STX3: variants seen among roughly 807,000 people sequenced by gnomAD.
STX3 encodes syntaxin 3, also known as syntaxin-3.
A neutral mutation model predicts 40.2 loss-of-function variants in STX3; 19 were observed. The ratio of observed to expected loss-of-function variants is 0.47; its 90% CI spans 0.33 to 0.69. The LOEUF is 0.69. Among genes scored for constraint, STX3 ranks in the 30% least tolerant of loss-of-function variants. The pLI, the probability that STX3 is intolerant of heterozygous loss-of-function variation, is 0.02. For missense variants in STX3, 364 were observed against 366.7 expected (o/e 0.99, Z 0.06); for synonymous variants, 122 against 132.2 (o/e 0.92, Z 0.53).
At chr11:59,783,206 C>G (rs1322911645) in intron 2 of STX3, among the ~76,000 whole-genome samples, 1 of 152,184 alleles carries the variant, frequency 6.6e-6, no homozygotes, top group East Asian at 1.9e-4. Flanking sequence ...TGAAAGGCAA[C>G]TGATCCATTC....
At chr11:59,767,827 C>G (rs990048448) in intron 1 of STX3, among the ~76,000 whole-genome samples, 6 of 152,158 alleles carry the variant, frequency 3.9e-5, no homozygotes, top group Admixed American at 3.3e-4. Context: ...GACCTCCTCT[C>G]TGGACAGAAA....
chr11:59,796,121 C>T (rs1365616539), intron 9 of STX3, among the ~76,000 whole-genome samples: 1 of 152,226 alleles, frequency 6.6e-6, no homozygotes, highest in African/African-American at 2.4e-5. Context: ...GTACCTAGCT[C>T]ATGCTAACTG....
At position 59,802,364 on chromosome 11, in the gene STX3, T is replaced by G. The variant is rs1865918218; in HGVS notation, c.*1540T>G. 2 of 985,576 alleles carry G rather than the reference T, an allele frequency of 2.0e-6. No homozygotes were observed. The highest frequency in any genetic ancestry group is 9.4e-5 in the South Asian group (2 of 21,292). 61.1% of individuals were successfully genotyped at this position (985,576 alleles called of 1,614,324 possible). A position where few individuals can be genotyped will look rare whatever the true frequency, so the allele number is the denominator to read the frequency against. ...TTGGGTACCATGTATATTTTCCGCT[T>G]TGACTTTAACGCTTTCTAGGATAGG... On this transcript the variant is annotated 3_prime_UTR_variant, in exon 11 of 11. Coordinates refer to ENST00000337979, the MANE Select transcript of STX3 (RefSeq NM_004177.5).
chr11:59,758,100 C>T (rs958639469), intron 1 of STX3, among the ~76,000 whole-genome samples: 3 of 151,990 alleles, frequency 2.0e-5, no homozygotes. Context: ...GAGGGCTTTC[C>T]GTGCCTGTGA....
At chr11:59,755,693 T>C in intron 1 of STX3, 58 bp downstream of exon 1, 1 of 1,510,616 alleles carries the variant, frequency 6.6e-7, no homozygotes, top group Non-Finnish European at 8.8e-7. Context: ...GAGAGGGGCT[T>C]CCCTTTGCTC....
intron 8 of STX3, 99 bp downstream of exon 8, chr11:59,793,613 G>A: frequency 1.4e-6 from 2 of 1,471,760 alleles, no homozygotes; most frequent in Non-Finnish European, 9.1e-7. Context: ...AGTGAGGTAG[G>A]GTGGGAGAAC....
intron 1 of STX3, among the ~76,000 whole-genome samples, chr11:59,769,244 T>C (rs780074854): frequency 1.3e-5 from 2 of 151,814 alleles, no homozygotes; most frequent in Non-Finnish European, 2.9e-5. Flanking sequence ...GACTTAGCCT[T>C]TAGTTTGAGA....
At chr11:59,755,356 C>G, upstream of STX3, 3 of 319,126 alleles carry the variant, frequency 9.4e-6, no homozygotes, top group Non-Finnish European at 1.1e-5. Flanking sequence ...CAGCGCTGCG[C>G]CGGCGCCGGC....
rs115883615 is a variant in STX3 at position 59,766,247 on chromosome 11, G to T, written c.31-6964G>T. 7.5e-3 allele frequency among the ~76,000 whole-genome samples: 1,148 copies of T among 152,260 alleles called. 15 individuals carry two copies. The highest frequency in any genetic ancestry group is 0.027 in the African/African-American group (1,106 of 41,518). ...TCATTCTGCCTTGCTGCTCTGATTTGTAAACATTCTTAAGGAGATACTGAT... is the reference window on the plus strand; with the variant it reads ...TCATTCTGCCTTGCTGCTCTGATTTTTAAACATTCTTAAGGAGATACTGAT... On this transcript the variant is annotated intron_variant, in intron 1 of 10. Transcript: ENST00000337979.
At chr11:59,777,658 A>AGGTC (rs1310775259) in intron 2 of STX3, among the ~76,000 whole-genome samples, 2 of 152,206 alleles carry the variant, frequency 1.3e-5, no homozygotes, top group African/African-American at 4.8e-5. Flanking sequence ...TGCCGTTTAA[A>AGGTC]GGTCAGCTTG....
chr11:59,761,622 C>A lies in STX3; in HGVS notation c.30+5987C>A, dbSNP rs12291912. Among the ~76,000 whole-genome samples, 20 of 152,304 alleles carry A rather than the reference C, an allele frequency of 1.3e-4. No individual in the cohort carries two copies. The East Asian group carries it at 3.9e-3, about 29-fold the overall frequency. On this transcript the variant is annotated intron_variant, in intron 1 of 10. Transcript: ENST00000337979. ...CCAGCCACCTTTATGTTAGGCCCCT[C>A]TGCAACTGCCCCCACCCCATCTCCT... is the stretch of plus-strand genomic sequence containing the variant.
At chr11:59,795,758 A>G in intron 9 of STX3, 1 of 1,499,864 alleles carries the variant, frequency 6.7e-7, no homozygotes, top group East Asian at 2.5e-5. Flanking sequence ...CTGTCTTACT[A>G]GTATCTCTTC....
chr11:59,793,325 CA>C, intron 7 of STX3, 54 bp from the exon 8 acceptor site: 1 of 1,601,834 alleles, frequency 6.2e-7, no homozygotes, highest in Non-Finnish European at 8.5e-7. Flanking sequence ...AGGGCTGTGG[CA>C]GGGGCAGCCT....
At chr11:59,775,982 C>G (rs946484041) in intron 2 of STX3, among the ~76,000 whole-genome samples, 1 of 152,156 alleles carries the variant, frequency 6.6e-6, no homozygotes, top group Non-Finnish European at 1.5e-5. Context: ...CTTAACTGTT[C>G]CAAGTATCAG....
intron 2 of STX3, chr11:59,781,389 A>G: frequency 3.1e-6 from 5 of 1,601,774 alleles, no homozygotes; most frequent in Non-Finnish European, 4.3e-6. Context: ...CCCATCTTTC[A>G]ATTTTCTTGT....
intron 1 of STX3, among the ~76,000 whole-genome samples, chr11:59,768,020 A>G (rs1197190761): frequency 6.6e-6 from 1 of 152,196 alleles, no homozygotes; most frequent in Non-Finnish European, 1.5e-5. Context: ...TGGTTGCTTT[A>G]TTGAGTTCTT....
chr11:59,778,579 G>A (rs909721256), intron 2 of STX3, among the ~76,000 whole-genome samples: 2 of 152,154 alleles, frequency 1.3e-5, no homozygotes, highest in Admixed American at 6.5e-5. Context: ...CTGTTTGTTG[G>A]GTCAGTGAAA....
chr11:59,755,703 C>G, intron 1 of STX3, 68 bp downstream of exon 1: 1 of 1,485,488 alleles, frequency 6.7e-7, no homozygotes, highest in Non-Finnish European at 8.9e-7. Context: ...TCCCTTTGCT[C>G]CCCAAGTCGA....
intron 2 of STX3, 35 bp downstream of exon 2, chr11:59,773,329 C>T (rs2134926970): frequency 6.3e-7 from 1 of 1,596,248 alleles, no homozygotes; most frequent in Non-Finnish European, 8.6e-7. Flanking sequence ...TCTAAATGTA[C>T]ATAAGGAAAC....
Sources: gnomAD v4.1 joint callset for allele counts (sites outside exome capture counted in the v4.1 genomes callset) on GRCh38, gnomAD v4.1.1 for gene constraint, MANE v1.5 for transcripts, NCBI Gene and HGNC (gene_info 2026-07-23, HGNC 2026-07-21) for gene names.